IDO2: variants seen among roughly 807,000 people sequenced by gnomAD.
IDO2 encodes indoleamine 2,3-dioxygenase-like 1 protein.
Under a neutral mutation model 45.1 loss-of-function variants are expected in IDO2, and 46 were observed. That is an observed-to-expected ratio of 1.02 (90% confidence interval 0.80 to 1.30). The LOEUF is 1.30. Among genes scored for constraint, IDO2 ranks in the 50% most tolerant of loss-of-function variants. The pLI is 0.00. For missense variants in IDO2, 544 were observed against 491.8 expected (o/e 1.11, Z -1.00); for synonymous variants, 218 against 184.9 (o/e 1.18, Z -1.45).
At chr8:40,001,795 T>C (rs1231196910) in intron 8 of IDO2, among the ~76,000 whole-genome samples, 1 of 152,154 alleles carries the variant, frequency 6.6e-6, no homozygotes, top group African/African-American at 2.4e-5. Flanking sequence ...AATACTTTTT[T>C]GTTGTTGTTG....
At chr8:39,977,771 C>G (rs552758352) in intron 3 of IDO2, among the ~76,000 whole-genome samples, 1 of 152,310 alleles carries the variant, frequency 6.6e-6, no homozygotes, top group African/African-American at 2.4e-5. Flanking sequence ...AGGGCACATT[C>G]TAGTTGTGAT....
chr8:39,954,622 A>G (rs62513117), intron 2 of IDO2, among the ~76,000 whole-genome samples: 26,395 of 141,754 alleles, frequency 0.19, 2,774 homozygotes, highest in South Asian at 0.32. Context: ...TTTCTCCACT[A>G]TGCACAAATT....
At chr8:39,956,209 C>T (rs2129593588) in intron 2 of IDO2, among the ~76,000 whole-genome samples, 1 of 152,170 alleles carries the variant, frequency 6.6e-6, no homozygotes, top group African/African-American at 2.4e-5. Flanking sequence ...CAGGCACGCA[C>T]CACCATGCCT....
intron 9 of IDO2, among the ~76,000 whole-genome samples, chr8:40,011,156 C>A (rs57313326): frequency 0.2 from 30,208 of 152,136 alleles, 3,271 homozygotes; most frequent in East Asian, 0.39. Context: ...ATCGATCTCC[C>A]CGCCTGGGCC....
intron 9 of IDO2, among the ~76,000 whole-genome samples, chr8:40,008,285 A>T (rs1554549792): frequency 6.6e-6 from 1 of 152,022 alleles, no homozygotes; most frequent in Non-Finnish European, 1.5e-5. Context: ...ACCTCAAGTG[A>T]TCCTCCCACT....
chr8:39,971,406 G>A (rs1808177370), intron 3 of IDO2, among the ~76,000 whole-genome samples: 1 of 152,196 alleles, frequency 6.6e-6, no homozygotes, highest in Non-Finnish European at 1.5e-5. Flanking sequence ...AGATATACAG[G>A]AAATAAATGT....
chr8:40,015,339 A>G, exon 11 of IDO2: 3 of 1,613,258 alleles, frequency 1.9e-6, no homozygotes, highest in Non-Finnish European at 2.5e-6. Context: ...GAGGGACTAC[A>G]TCCTGTCATC....
chr8:39,999,248 A>G (rs1010817668), intron 8 of IDO2, among the ~76,000 whole-genome samples: 5 of 108,370 alleles, frequency 4.6e-5, no homozygotes, highest in Non-Finnish European at 9.7e-5. Flanking sequence ...TGCTCAATTT[A>G]TTGGCCTTGG....
At chr8:39,941,262 C>T (rs1312235826) in intron 1 of IDO2, among the ~76,000 whole-genome samples, 2 of 143,820 alleles carry the variant, frequency 1.4e-5, no homozygotes, top group Admixed American at 7.0e-5. Flanking sequence ...ACTGGGACTA[C>T]AGGCATGCGA....
intron 8 of IDO2, chr8:39,995,296 T>TCTTCTTCTTCTTCC (rs1276384656): frequency 6.9e-6 from 1 of 145,478 alleles, no homozygotes; most frequent in Non-Finnish European, 1.5e-5. Flanking sequence ...TTCTTTTTTT[T>TCTTCTTCTTCTTCC]TTGAGATGGA....
At chr8:39,940,469 T>C (rs1807626398) in intron 1 of IDO2, among the ~76,000 whole-genome samples, 1 of 152,196 alleles carries the variant, frequency 6.6e-6, no homozygotes, top group South Asian at 2.1e-4. Flanking sequence ...AAGTGTGATG[T>C]AAATGAGGTA....
intron 9 of IDO2, among the ~76,000 whole-genome samples, chr8:40,007,824 A>G (rs1455808608): frequency 2.6e-5 from 4 of 152,192 alleles, no homozygotes; most frequent in Non-Finnish European, 5.9e-5. Context: ...GGGTCGCAAA[A>G]GGCCGAAGTC....
At chr8:39,951,511 A>G (rs1807814682) in intron 2 of IDO2, among the ~76,000 whole-genome samples, 1 of 152,206 alleles carries the variant, frequency 6.6e-6, no homozygotes. Flanking sequence ...TGCACTTAAT[A>G]GCTCTTGTGA....
At position 39,947,780 on chromosome 8, in the gene IDO2, G is replaced by A. The variant is rs1018692418; in HGVS notation, c.-17-1369G>A. On this transcript the variant is annotated intron_variant, in intron 1 of 10. Transcript: ENST00000502986. ...AAATAAATTAAATTTATGTTCAAGT[G>A]CTATTTCTTTTTTTTTTTTTTTTCG... Among the ~76,000 whole-genome samples the A allele has an allele frequency of 2.9e-5, 4 of 137,824 alleles. No individual in the cohort carries two copies. In the South Asian group the frequency reaches 9.5e-4, roughly 33 times the overall value. 90.4% of individuals were successfully genotyped at this position (137,824 alleles called of 152,430 possible).
At chr8:39,966,901 A>G (rs1030264084) in intron 3 of IDO2, among the ~76,000 whole-genome samples, 2 of 152,230 alleles carry the variant, frequency 1.3e-5, no homozygotes, top group South Asian at 4.1e-4. Context: ...TTCAGGACCA[A>G]TGGCCTCCAA....
intron 1 of IDO2, among the ~76,000 whole-genome samples, chr8:39,935,978 G>C (rs1041976885): frequency 6.6e-6 from 1 of 152,142 alleles, no homozygotes; most frequent in East Asian, 1.9e-4. Flanking sequence ...TCCAGAAGAG[G>C]TATCCACAAA....
intron 2 of IDO2, among the ~76,000 whole-genome samples, chr8:39,955,246 T>A (rs1379661454): frequency 8.0e-6 from 1 of 125,618 alleles, no homozygotes; most frequent in African/African-American, 2.8e-5. Context: ...TTCTTTAATA[T>A]TTGCCTTTTT....
chr8:39,948,552 T>G (rs1226508317), intron 1 of IDO2, among the ~76,000 whole-genome samples: 1 of 152,230 alleles, frequency 6.6e-6, no homozygotes, highest in Admixed American at 6.5e-5. Flanking sequence ...GAGCGCTTAC[T>G]TATAAACTGT....
intron 1 of IDO2, among the ~76,000 whole-genome samples, chr8:39,936,131 G>A (rs542923265): frequency 5.9e-5 from 9 of 152,294 alleles, no homozygotes; most frequent in Admixed American, 6.5e-5. Flanking sequence ...TACCAGAAAT[G>A]TACTGGAGGA....
Sources: gnomAD v4.1 joint callset for allele counts (sites outside exome capture counted in the v4.1 genomes callset) on GRCh38, gnomAD v4.1.1 for gene constraint, MANE v1.5 for transcripts, NCBI Gene and HGNC (gene_info 2026-07-23, HGNC 2026-07-21) for gene names.